RDX: variants seen among roughly 807,000 people sequenced by gnomAD.
The protein encoded by RDX is radixin.
In RDX, 32 loss-of-function variants were observed where a neutral mutation model predicts 83.7. The ratio of observed to expected loss-of-function variants is 0.38; its 90% CI spans 0.29 to 0.51. RDX has a LOEUF of 0.51. Ranked by LOEUF, RDX falls within the 20% of genes least tolerant of loss-of-function variation. The pLI is 0.87. For missense variants in RDX, 600 were observed against 689.9 expected (o/e 0.87, Z 1.46); for synonymous variants, 229 against 222.7 (o/e 1.03, Z -0.25).
Position 110,257,789 on chromosome 11 carries a change from T to C in RDX, c.676A>G (p.Asn226Asp). 1 of 1,611,944 alleles carries C rather than the reference T, an allele frequency of 6.2e-7. No homozygotes were observed. The highest frequency in any genetic ancestry group is 8.5e-7 in the Non-Finnish European group (1 of 1,179,714). ...TACTTGTCGTCATGCTCATAAATATTCAGACCCAAAGCATCAACACCTAGC... is the reference window on the plus strand; with the variant it reads ...TACTTGTCGTCATGCTCATAAATATCCAGACCCAAAGCATCAACACCTAGC... ...LWLGVDALGL[N>D]IYEHDDKLTP... Residue 226 changes from asparagine to aspartate, a missense_variant, in exon 7 of 14, where the codon AAT becomes GAT. By Grantham distance (23) the Asn-to-Asp change is conservative (BLOSUM62 1). Coordinates refer to ENST00000645495, the MANE Select transcript of RDX (RefSeq NM_002906.4).
chr11:110,248,857 A>G (rs1859215650), intron 9 of RDX, among the ~76,000 whole-genome samples: 1 of 152,216 alleles, frequency 6.6e-6, no homozygotes, highest in Admixed American at 6.5e-5. Context: ...CTTGGGTAGT[A>G]CCCATTTATG....
intron 1 of RDX, among the ~76,000 whole-genome samples, chr11:110,280,004 T>C (rs1335260677): frequency 2.0e-5 from 3 of 152,142 alleles, no homozygotes; most frequent in Non-Finnish European, 4.4e-5. Flanking sequence ...AACCAGAAGT[T>C]TTAATTACAG....
chr11:110,182,241 G>A (rs916016829), intron 15 of RDX, among the ~76,000 whole-genome samples: 2 of 152,234 alleles, frequency 1.3e-5, no homozygotes, highest in Admixed American at 6.5e-5. Context: ...GGGCAGAGAC[G>A]CCTTCCAGCC....
At chr11:110,286,326 T>C (rs1860976873) in intron 1 of RDX, among the ~76,000 whole-genome samples, 1 of 152,230 alleles carries the variant, frequency 6.6e-6, no homozygotes, top group South Asian at 2.1e-4. Context: ...AAACCACTCA[T>C]ATGAATATGT....
At chr11:110,273,073 G>A in intron 2 of RDX, 1 of 456,198 alleles carries the variant, frequency 2.2e-6, no homozygotes, top group Non-Finnish European at 4.4e-6. Context: ...TTAAAAATTA[G>A]TTGGGTGTGG....
chr11:110,218,858 T>C (rs917178615), intron 14 of RDX, among the ~76,000 whole-genome samples: 6 of 152,172 alleles, frequency 3.9e-5, no homozygotes, highest in Admixed American at 1.3e-4. Context: ...GTGCCTTCCT[T>C]CTGAGCTCTC....
At chr11:110,223,293 C>A (rs1011770444) in intron 14 of RDX, among the ~76,000 whole-genome samples, 1 of 152,078 alleles carries the variant, frequency 6.6e-6, no homozygotes, top group Non-Finnish European at 1.5e-5. Flanking sequence ...GTGGAGCTTG[C>A]AGTGAGCGGA....
intron 15 of RDX, among the ~76,000 whole-genome samples, chr11:110,185,979 G>C (rs1003017964): frequency 6.6e-6 from 1 of 152,196 alleles, no homozygotes; most frequent in Non-Finnish European, 1.5e-5. Context: ...GATGACTGTT[G>C]CATCCACGCT....
At chr11:110,179,549 T>C (rs1862839793) in intron 15 of RDX, among the ~76,000 whole-genome samples, 1 of 152,082 alleles carries the variant, frequency 6.6e-6, no homozygotes, top group Admixed American at 6.5e-5. Flanking sequence ...GAGGTGGGCA[T>C]ATCACCTGAG....
chr11:110,273,743 ATTAAC>A (rs1374981719), intron 2 of RDX, among the ~76,000 whole-genome samples: 2 of 152,144 alleles, frequency 1.3e-5, no homozygotes, highest in Admixed American at 6.5e-5. Flanking sequence ...TTTATCTTTT[ATTAAC>A]TTATTTCTCC....
At chr11:110,200,972 T>C (rs568811984) in intron 14 of RDX, among the ~76,000 whole-genome samples, 1 of 152,216 alleles carries the variant, frequency 6.6e-6, no homozygotes, top group Admixed American at 6.5e-5. Flanking sequence ...GGTCGGGAGT[T>C]CGAAACCAGC....
chr11:110,287,235 T>G (rs1861021362), intron 1 of RDX: 1 of 152,190 alleles, frequency 6.6e-6, no homozygotes, highest in African/African-American at 2.4e-5. Context: ...ATTAGCTGTG[T>G]GTAGTGATGT....
chr11:110,293,869 T>C (rs1477778339), intron 1 of RDX, among the ~76,000 whole-genome samples: 1 of 152,236 alleles, frequency 6.6e-6, no homozygotes, highest in East Asian at 1.9e-4. Flanking sequence ...GACTTTGGCC[T>C]ACAGGAAATA....
chr11:110,209,354 G>A (rs1302258542), intron 14 of RDX, among the ~76,000 whole-genome samples: 1 of 151,362 alleles, frequency 6.6e-6, no homozygotes, highest in East Asian at 1.9e-4. Flanking sequence ...ACGGAGTCTC[G>A]CTGATTGCTA....
rs370721580 is a variant in RDX at position 110,249,957 on chromosome 11, C to T, written c.960-2124G>A. ...TCTGTTCTGGAGTTCCCTATGCCTA[C>T]GAGGTACTTTCGCAACAGCAAGGAG... On this transcript the variant is annotated intron_variant, in intron 9 of 13. Transcript: ENST00000645495. Among the ~76,000 whole-genome samples, 17 of 152,274 alleles carry T rather than the reference C, an allele frequency of 1.1e-4. No individual in the cohort carries two copies. The East Asian group carries it at 2.1e-3, about 19-fold the overall frequency.
At chr11:110,259,633 C>T (rs1784649) in intron 5 of RDX, among the ~76,000 whole-genome samples, 117,148 of 152,078 alleles carry the variant, frequency 0.77, 45,455 homozygotes, top group African/African-American at 0.85. Context: ...AGAAGAGTTT[C>T]ATCTTCCTTC....
Position 110,179,903 on chromosome 11 carries a change from CTTTTTTTTTT to C in RDX, c.*32-4679_*32-4670del, listed in dbSNP as rs528601645. The C allele has an allele frequency of 8.8e-5, 32 of 364,578 alleles. No individual in the cohort carries two copies. In the East Asian group the frequency reaches 2.4e-3, roughly 27 times the overall value. The allele number at this position is 364,578 out of a possible 1,614,324, so 22.6% of individuals were successfully genotyped here. A position where few individuals can be genotyped will look rare whatever the true frequency, so the allele number is the denominator to read the frequency against. The stretch of plus-strand genomic sequence containing the variant: ...CTTTTTCTTTTTCTTTTTCTTTTTT[CTTTTTTTTTT>C]TTTTTTGAGACAGAGTTTCCCTTTG... On this transcript the variant is annotated intron_variant, in intron 15 of 15. Transcript: ENST00000528498.
downstream of RDX, among the ~76,000 whole-genome samples, chr11:110,228,261 A>G (rs1414969659): frequency 1.3e-5 from 2 of 152,088 alleles, no homozygotes; most frequent in African/African-American, 4.8e-5. Flanking sequence ...GGCTGCCTGA[A>G]TATTTCATAA....
At chr11:110,187,140 C>T (rs1275830725) in intron 15 of RDX, among the ~76,000 whole-genome samples, 4 of 152,190 alleles carry the variant, frequency 2.6e-5, no homozygotes, top group South Asian at 2.1e-4. Flanking sequence ...CCTTAGAGAT[C>T]GTGGCACAGC....
Sources: gnomAD v4.1 joint callset for allele counts (sites outside exome capture counted in the v4.1 genomes callset) on GRCh38, gnomAD v4.1.1 for gene constraint, MANE v1.5 for transcripts, NCBI Gene and HGNC (gene_info 2026-07-23, HGNC 2026-07-21) for gene names.